The following LBH variants were observed in gnomAD, a reference collection of about 807,000 sequenced individuals.
LBH encodes the protein LBH regulator of Wnt signaling pathway.
Under a neutral mutation model 12.5 loss-of-function variants are expected in LBH, and 7 were observed. The observed-to-expected ratio is 0.56, with a 90% CI of 0.32 to 1.05. The LOEUF is 1.05. Ranked by LOEUF, LBH falls within the 50% of genes least tolerant of loss-of-function variation. The pLI is 0.04. For missense variants in LBH, 119 were observed against 138.9 expected, an observed-to-expected ratio of 0.86 and a Z score of 0.72; for synonymous variants, 51 against 50.1, an observed-to-expected ratio of 1.02 and a Z score of -0.08.
At chr2:30,255,385 C>T (rs980774542) in intron 2 of LBH, among the ~76,000 whole-genome samples, 6 of 120,744 alleles carry the variant, frequency 5.0e-5, no homozygotes, top group Admixed American at 9.7e-5. Context: ...AGCCCAGAGT[C>T]GGGGTCCGTG....
intron 2 of LBH, among the ~76,000 whole-genome samples, chr2:30,251,392 T>C (rs1677975273): frequency 6.6e-6 from 1 of 152,182 alleles, no homozygotes; most frequent in Admixed American, 6.5e-5. Flanking sequence ...TACGAAGCCT[T>C]GAAGCTCCCT....
At chr2:30,253,348 G>A (rs944196018) in intron 2 of LBH, among the ~76,000 whole-genome samples, 2 of 152,226 alleles carry the variant, frequency 1.3e-5, no homozygotes, top group African/African-American at 2.4e-5. Context: ...GAAACCAGAA[G>A]CTGTTGGTTC....
intron 2 of LBH, among the ~76,000 whole-genome samples, chr2:30,250,866 C>CATCCT (rs1233463722): frequency 3.9e-5 from 6 of 152,054 alleles, no homozygotes; most frequent in Non-Finnish European, 8.8e-5. Flanking sequence ...TTCCCAGGAA[C>CATCCT]ATCCTGCTGC....
At chr2:30,235,690 T>TA (rs11285876) in intron 2 of LBH, among the ~76,000 whole-genome samples, 88 of 146,558 alleles carry the variant, frequency 6.0e-4, no homozygotes, top group East Asian at 1.4e-3. Context: ...TTTTGTAAAT[T>TA]AAAAAAAAAA....
intron 2 of LBH, among the ~76,000 whole-genome samples, chr2:30,251,406 C>A (rs923569588): frequency 2.6e-5 from 4 of 152,098 alleles, no homozygotes; most frequent in Non-Finnish European, 5.9e-5. Context: ...GCTCCCTTGA[C>A]CTTTCAAGTG....
intron 2 of LBH, among the ~76,000 whole-genome samples, chr2:30,244,486 C>G (rs1010634206): frequency 6.6e-5 from 10 of 152,118 alleles, no homozygotes; most frequent in Non-Finnish European, 1.3e-4. Context: ...TTGCTTTTTG[C>G]AAATTGCATT....
intron 2 of LBH, 87 bp downstream of exon 2, chr2:30,234,594 G>A: frequency 1.1e-6 from 1 of 893,832 alleles, no homozygotes; most frequent in Non-Finnish European, 1.8e-6. Context: ...GCATCCCAGT[G>A]CCACATATAA....
intron 2 of LBH, among the ~76,000 whole-genome samples, chr2:30,242,446 G>A (rs1170335610): frequency 6.6e-6 from 1 of 152,106 alleles, no homozygotes; most frequent in East Asian, 1.9e-4. Flanking sequence ...GTTTTGCCTT[G>A]TTGGCCAGGC....
At chr2:30,245,585 T>G (rs1321939088) in intron 2 of LBH, among the ~76,000 whole-genome samples, 1 of 152,154 alleles carries the variant, frequency 6.6e-6, no homozygotes, top group East Asian at 1.9e-4. Context: ...CTTTGGACAC[T>G]GTGACACAGA....
chr2:30,241,992 C>T (rs374699400), intron 2 of LBH, among the ~76,000 whole-genome samples: 1 of 152,062 alleles, frequency 6.6e-6, no homozygotes, highest in African/African-American at 2.4e-5. Context: ...TTTTTAGTAA[C>T]TGTGTAATAT....
intron 2 of LBH, among the ~76,000 whole-genome samples, chr2:30,253,445 G>C (rs1217780076): frequency 6.6e-6 from 1 of 152,082 alleles, no homozygotes; most frequent in Non-Finnish European, 1.5e-5. Context: ...CTGATGGAAG[G>C]GTTCGATTAT....
At chr2:30,243,809 G>T (rs1202648844) in intron 2 of LBH, among the ~76,000 whole-genome samples, 1 of 151,834 alleles carries the variant, frequency 6.6e-6, no homozygotes, top group African/African-American at 2.4e-5. Flanking sequence ...GATTACAGAC[G>T]TGAGCCACTG....
rs200272047 is a variant in LBH at position 30,234,485 on chromosome 2, G to A, written c.107G>A (p.Arg36His). The change falls in exon 2 of 3, where the codon CGC becomes CAC. Residue 36 changes from arginine (R) to histidine (H), a missense_variant. Coordinates refer to ENST00000395323, the MANE Select transcript of LBH (RefSeq NM_030915.4). The part of the protein sequence containing the change: ...QPMEEIGLSP[R>H]KDGLSYQIFP... The stretch of plus-strand genomic sequence containing the variant: ...ATGGAGGAGATCGGCCTCAGCCCCC[G>A]CAAGGATGGCCTTTCCTACCAGGTG... 9 of 1,613,788 alleles carry A rather than the reference G, an allele frequency of 5.6e-6. No individual in the cohort carries two copies. Among genetic ancestry groups the A allele is most frequent in the South Asian group, 2.2e-5 (2 of 91,072 alleles).
chr2:30,258,769 G>A lies in LBH; in HGVS notation c.*1148G>A, dbSNP rs1678130792. ...TTGTTGGGGAGGTGACTTGCATGGT[G>A]GGGACAAGGCTGTCGTGGCAACCTT... On this transcript the variant is annotated 3_prime_UTR_variant, in exon 3 of 3. Transcript: ENST00000395323. 6.6e-6 allele frequency: 1 copy of A among 152,372 alleles called. No individual in the cohort carries two copies. The highest frequency in any genetic ancestry group is 2.1e-4 in the South Asian group (1 of 4,828). The allele number at this position is 152,372 out of a possible 1,614,324, so 9.4% of individuals were successfully genotyped here. A position where few individuals can be genotyped will look rare whatever the true frequency, so the allele number is the denominator to read the frequency against.
chr2:30,254,451 G>A (rs1047035202), intron 2 of LBH, among the ~76,000 whole-genome samples: 9 of 152,180 alleles, frequency 5.9e-5, no homozygotes. Flanking sequence ...TAGAATTATT[G>A]TGAGGTTTGA....
intron 2 of LBH, chr2:30,256,747 C>G (rs1376049342): frequency 1.3e-5 from 2 of 152,954 alleles, no homozygotes; most frequent in East Asian, 3.8e-4. Flanking sequence ...AGGATGGTCT[C>G]GATCTCCTGA....
At chr2:30,239,919 A>G (rs1023850588) in intron 2 of LBH, among the ~76,000 whole-genome samples, 8 of 152,186 alleles carry the variant, frequency 5.3e-5, no homozygotes, top group African/African-American at 1.9e-4. Context: ...TGGGCCCCAT[A>G]AGCCCCCTGG....
intron 2 of LBH, among the ~76,000 whole-genome samples, chr2:30,247,665 G>A (rs149924708): frequency 1.6e-4 from 25 of 152,282 alleles, no homozygotes; most frequent in African/African-American, 4.3e-4. Context: ...TTGTACTTCC[G>A]TCAGCAGCAG....
intron 2 of LBH, among the ~76,000 whole-genome samples, chr2:30,241,552 C>T (rs1677790704): frequency 6.6e-6 from 1 of 151,204 alleles, no homozygotes; most frequent in Admixed American, 6.6e-5. Flanking sequence ...CTCCGCCTCC[C>T]AGGTTCAAGG....
Sources: allele counts gnomAD v4.1 joint callset (sites outside exome capture counted in the v4.1 genomes callset), GRCh38; gene constraint gnomAD v4.1.1; transcripts MANE v1.5; gene names NCBI Gene and HGNC (gene_info 2026-07-23, HGNC 2026-07-21).